Variants in SMCO4 observed in about 807,000 individuals in gnomAD.
The protein encoded by SMCO4 is single-pass membrane and coiled-coil domain-containing protein 4.
In SMCO4, 4 loss-of-function variants were observed where a neutral mutation model predicts 3.6. That is an observed-to-expected ratio of 1.11 (90% CI 0.54 to 2.53). The LOEUF (loss-of-function observed/expected upper bound fraction) is 2.53, where lower values mean the gene tolerates loss of function less well. Ranked by LOEUF, SMCO4 falls within the 30% of genes most tolerant of loss-of-function variation. The pLI, the probability that SMCO4 is intolerant of heterozygous loss-of-function variation, is 0.02. For missense variants in SMCO4, 70 were observed against 80.8 expected (o/e 0.87, Z 0.51); for synonymous variants, 36 against 35.3 (o/e 1.02, Z -0.07).
intron 1 of SMCO4, among the ~76,000 whole-genome samples, chr11:93,512,557 C>CTTT (rs1488330485): frequency 6.6e-6 from 1 of 152,076 alleles, no homozygotes; most frequent in East Asian, 1.9e-4. Flanking sequence ...TTTATTGTAC[C>CTTT]TTTTATATGT....
intron 1 of SMCO4, among the ~76,000 whole-genome samples, chr11:93,514,407 T>C (rs1260226468): frequency 1.9e-4 from 5 of 26,784 alleles, no homozygotes; most frequent in Non-Finnish European, 5.2e-4. Flanking sequence ...TATATATATA[T>C]ATATATATAT....
rs563718957 is a variant in SMCO4, at chr11:93,524,262, A to T, written c.-154+19014T>A. Among the ~76,000 whole-genome samples the T allele has an allele frequency of 2.0e-3, 303 of 152,258 alleles. 5 individuals carry two copies. The highest frequency in any genetic ancestry group is 1.5e-4 in the Non-Finnish European group (10 of 68,016). On this transcript the variant is annotated intron_variant, in intron 1 of 2. Transcript: ENST00000298966. ...TTCAGTAACCAGCTCAGGCTCACAA[A>T]GCCAGGAAACGGCCGGGAGGGAACC...
In SMCO4 at chr11:93,479,148, C is replaced by T. The variant is rs776136865; in HGVS notation, c.42G>A (p.Lys14=). ...TGGCTTGCTTCCGCTCCTTCTTGTC[C>T]TTGGAGGTCTCCTTCTTGGGCTTCC... ...LKGKPKKETS[K]DKKERKQAMQ... is the part of the protein sequence containing the mutation. Residue 14 remains lysine, a synonymous_variant, in exon 3 of 3, where the codon AAG becomes AAA. Coordinates refer to ENST00000298966, the MANE Select transcript of SMCO4 (RefSeq NM_020179.3). 5 of 1,613,994 alleles carry T rather than the reference C, an allele frequency of 3.1e-6. No homozygotes were observed.
chr11:93,543,770 G>C (rs549627813), upstream of SMCO4, among the ~76,000 whole-genome samples: 3 of 152,358 alleles, frequency 2.0e-5, no homozygotes, highest in South Asian at 6.2e-4. Flanking sequence ...CTCTCCTCCA[G>C]GGCAAGGTTA....
intron 1 of SMCO4, among the ~76,000 whole-genome samples, chr11:93,532,751 G>A (rs1229221488): frequency 6.6e-6 from 1 of 152,162 alleles, no homozygotes; most frequent in African/African-American, 2.4e-5. Flanking sequence ...TGGAAGGGAG[G>A]CATGGAACAG....
intron 2 of SMCO4, among the ~76,000 whole-genome samples, chr11:93,484,596 C>T (rs1220617696): frequency 6.6e-6 from 1 of 152,062 alleles, no homozygotes; most frequent in African/African-American, 2.4e-5. Flanking sequence ...ACAGGCCATA[C>T]CAGAGGCTCA....
chr11:93,526,269 G>A (rs76855218), intron 1 of SMCO4, among the ~76,000 whole-genome samples: 2,699 of 146,582 alleles, frequency 0.018, 85 homozygotes, highest in African/African-American at 0.065. Flanking sequence ...GGCTGCTCAA[G>A]ATTAGAGAAC....
rs560709491 is a variant in SMCO4, at chr11:93,512,718, C to T, written c.-153-13370G>A. 2.4e-3 allele frequency among the ~76,000 whole-genome samples: 358 copies of T among 152,246 alleles called. 1 individual carries two copies. Among genetic ancestry groups the T allele is most frequent in the Non-Finnish European group, 3.5e-3 (240 of 68,020 alleles). On this transcript the variant is annotated intron_variant, in intron 1 of 2. Transcript: ENST00000298966. Reference sequence around the variant, plus strand: ...CATACCATCTAGGTTTGTGTAAGCACACTCTACAATATTCACACAACAAAA... The same window carrying T: ...CATACCATCTAGGTTTGTGTAAGCATACTCTACAATATTCACACAACAAAA...
chr11:93,511,416 C>A lies in SMCO4; in HGVS notation c.-153-12068G>T, dbSNP rs189153559. Among the ~76,000 whole-genome samples the A allele has an allele frequency of 2.1e-3, 314 of 152,082 alleles. 1 individual carries two copies. The highest frequency in any genetic ancestry group is 6.8e-3 in the African/African-American group (283 of 41,446). ...CTCAAATAGCATCATTGCATTATAA[C>A]GTTGATAAAAAGAAAAAAAAAATCA... On this transcript the variant is annotated intron_variant, in intron 1 of 2. Transcript: ENST00000298966.
At chr11:93,513,194 C>A (rs1170236914) in intron 1 of SMCO4, among the ~76,000 whole-genome samples, 1 of 152,166 alleles carries the variant, frequency 6.6e-6, no homozygotes, top group Admixed American at 6.5e-5. Context: ...AGTTTCAGTT[C>A]CCTCTTTTGT....
intron 1 of SMCO4, among the ~76,000 whole-genome samples, chr11:93,537,415 C>T (rs1416449399): frequency 6.6e-6 from 1 of 151,948 alleles, no homozygotes; most frequent in Non-Finnish European, 1.5e-5. Flanking sequence ...AAAACAGGAA[C>T]AAAATGGAAA....
chr11:93,514,747 G>A (rs969589888), intron 1 of SMCO4, among the ~76,000 whole-genome samples: 2 of 152,036 alleles, frequency 1.3e-5, no homozygotes, highest in African/African-American at 2.4e-5. Flanking sequence ...ATTCCCTTTA[G>A]TTGCAAATGG....
chr11:93,482,208 TGA>T (rs1480315742), intron 2 of SMCO4, among the ~76,000 whole-genome samples: 2 of 152,106 alleles, frequency 1.3e-5, no homozygotes, highest in Non-Finnish European at 2.9e-5. Flanking sequence ...AAAGCATCTC[TGA>T]GATAACGACT....
intron 2 of SMCO4, among the ~76,000 whole-genome samples, chr11:93,487,968 C>G (rs1451764345): frequency 2.6e-5 from 4 of 152,200 alleles, no homozygotes; most frequent in Non-Finnish European, 4.4e-5. Flanking sequence ...CAGCTATGAA[C>G]AAAACAAGCA....
chr11:93,496,692 A>G (rs545440245), intron 2 of SMCO4, among the ~76,000 whole-genome samples: 2 of 152,330 alleles, frequency 1.3e-5, no homozygotes, highest in African/African-American at 4.8e-5. Flanking sequence ...ACATGAGGGT[A>G]GCCTCTATGA....
At chr11:93,532,451 TC>T (rs1949172343) in intron 1 of SMCO4, among the ~76,000 whole-genome samples, 2 of 152,204 alleles carry the variant, frequency 1.3e-5, no homozygotes, top group African/African-American at 4.8e-5. Flanking sequence ...CCATCAGCTT[TC>T]CTAGTTCTGA....
At chr11:93,489,795 C>A (rs993929015) in intron 2 of SMCO4, among the ~76,000 whole-genome samples, 6 of 150,530 alleles carry the variant, frequency 4.0e-5, no homozygotes, top group African/African-American at 1.5e-4. Flanking sequence ...CCCCCCACAC[C>A]TCTCCCCCTC....
upstream of SMCO4, among the ~76,000 whole-genome samples, chr11:93,546,844 G>C (rs143269782): frequency 4.3e-4 from 65 of 152,298 alleles, no homozygotes; most frequent in East Asian, 0.012. Flanking sequence ...TATTGGTACT[G>C]TTCTGCCCCT....
intron 1 of SMCO4, among the ~76,000 whole-genome samples, chr11:93,536,674 G>A (rs961381438): frequency 6.6e-6 from 1 of 152,186 alleles, no homozygotes; most frequent in Non-Finnish European, 1.5e-5. Flanking sequence ...TGGCACCTGG[G>A]GAGGGGTGCT....
Sources: allele counts gnomAD v4.1 joint callset (sites outside exome capture counted in the v4.1 genomes callset), GRCh38; gene constraint gnomAD v4.1.1; transcripts MANE v1.5; gene names NCBI Gene and HGNC (gene_info 2026-07-23, HGNC 2026-07-21).